The following BAZ2B variants were observed in gnomAD, a reference collection of about 807,000 sequenced individuals.
The protein encoded by BAZ2B is bromodomain adjacent to zinc finger domain protein 2B.
In BAZ2B, 91 loss-of-function variants were observed where a neutral mutation model predicts 246.0. The observed-to-expected ratio is 0.37, with a 90% CI of 0.31 to 0.44. The LOEUF (loss-of-function observed/expected upper bound fraction) is 0.44. Ranked by LOEUF, BAZ2B falls within the 20% of genes least tolerant of loss-of-function variation. The probability of loss-of-function intolerance (pLI) is 1.00; values close to 1 mark genes in which losing one functional copy is unlikely to be tolerated. For missense variants in BAZ2B, 2,332 were observed against 2,533.7 expected (o/e 0.92, Z 1.71); for synonymous variants, 855 against 860.0 (o/e 0.99, Z 0.10).
At chr2:159,568,082 T>C (rs942765043) in intron 1 of BAZ2B, among the ~76,000 whole-genome samples, 3 of 152,216 alleles carry the variant, frequency 2.0e-5, no homozygotes, top group African/African-American at 7.2e-5. Context: ...ACATTCACAA[T>C]GTTGTGGAAC....
chr2:159,569,895 AT>A (rs1309008981), intron 1 of BAZ2B, among the ~76,000 whole-genome samples: 7 of 152,150 alleles, frequency 4.6e-5, no homozygotes, highest in African/African-American at 1.4e-4. Flanking sequence ...GATCATTTTT[AT>A]TGTTGTCTAC....
intron 22 of BAZ2B, among the ~76,000 whole-genome samples, chr2:159,385,766 T>C (rs974144179): frequency 1.3e-5 from 2 of 152,092 alleles, no homozygotes; most frequent in Non-Finnish European, 2.9e-5. Flanking sequence ...CTTAAAGTGT[T>C]ATAGGTTTTA....
At chr2:159,362,300 T>G (rs2059798675) in intron 27 of BAZ2B, among the ~76,000 whole-genome samples, 1 of 152,194 alleles carries the variant, frequency 6.6e-6, no homozygotes, top group Non-Finnish European at 1.5e-5. Flanking sequence ...TATGTAGACT[T>G]TGACCCTTGA....
chr2:159,388,788 A>G (rs1466964398), intron 21 of BAZ2B, among the ~76,000 whole-genome samples: 1 of 151,928 alleles, frequency 6.6e-6, no homozygotes, highest in Non-Finnish European at 1.5e-5. Flanking sequence ...TGTGGGGAGG[A>G]GTTGAGATTT....
chr2:159,638,087 A>C, the BAZ2B span, among the ~76,000 whole-genome samples: 1 of 152,246 alleles, frequency 6.6e-6, no homozygotes, highest in Non-Finnish European at 1.5e-5. Flanking sequence ...AGAGAGAGAG[A>C]GACTCCGTTT....
chr2:159,359,988 C>T (rs1046485997), intron 27 of BAZ2B, among the ~76,000 whole-genome samples: 8 of 152,252 alleles, frequency 5.3e-5, no homozygotes, highest in African/African-American at 9.6e-5. Flanking sequence ...GACAAACCCA[C>T]GGCCAATATC....
chr2:159,331,205 G>C (rs1020331211), intron 34 of BAZ2B, among the ~76,000 whole-genome samples: 2 of 152,158 alleles, frequency 1.3e-5, no homozygotes, highest in Non-Finnish European at 2.9e-5. Flanking sequence ...TAAGGTATGT[G>C]AGCCCGGATG....
the BAZ2B span, among the ~76,000 whole-genome samples, chr2:159,662,370 G>C: frequency 1.3e-5 from 2 of 152,118 alleles, no homozygotes; most frequent in African/African-American, 2.4e-5. Flanking sequence ...AGAATTGTTT[G>C]GTTATATGGT....
chr2:159,527,762 T>C (rs919631041), intron 2 of BAZ2B, among the ~76,000 whole-genome samples: 1 of 152,194 alleles, frequency 6.6e-6, no homozygotes, highest in African/African-American at 2.4e-5. Context: ...CAGTATCAGA[T>C]ACACACAGGA....
At chr2:159,651,436 T>C in the BAZ2B span, among the ~76,000 whole-genome samples, 1 of 152,202 alleles carries the variant, frequency 6.6e-6, no homozygotes, top group African/African-American at 2.4e-5. Context: ...CCTTGTATAT[T>C]CTCATAATCA....
the BAZ2B span, among the ~76,000 whole-genome samples, chr2:159,703,066 C>CAAAACA: frequency 7.4e-6 from 1 of 134,792 alleles, no homozygotes; most frequent in Non-Finnish European, 1.6e-5. Context: ...CAAAAACAAA[C>CAAAACA]AAAACAAAAA....
the BAZ2B span, among the ~76,000 whole-genome samples, chr2:159,683,162 AT>A: frequency 3.3e-5 from 5 of 151,972 alleles, no homozygotes; most frequent in Admixed American, 6.6e-5. Flanking sequence ...CTAATGTCTA[AT>A]TTTTTTTCTT....
chr2:159,668,920 G>A, the BAZ2B span, among the ~76,000 whole-genome samples: 4 of 152,222 alleles, frequency 2.6e-5, no homozygotes, highest in South Asian at 8.3e-4. Context: ...GCCGGGCATG[G>A]TGGTGCATGC....
intron 7 of BAZ2B, 129 bp downstream of exon 7, chr2:159,438,880 T>C (rs1355793630): frequency 7.9e-7 from 1 of 1,259,656 alleles, no homozygotes; most frequent in Non-Finnish European, 1.1e-6. Context: ...CTTCATCTTC[T>C]TTCTTGGGCA....
At chr2:159,463,274 A>G (rs2076631693) in intron 3 of BAZ2B, 3 of 375,978 alleles carry the variant, frequency 8.0e-6, no homozygotes, top group Non-Finnish European at 1.0e-5. Context: ...TGTTCTCAAC[A>G]TTTATATTTT....
rs138203541 is a variant in BAZ2B, at chr2:159,475,863, C to A, written c.145+2712G>T. ...AAGACCCTGTTTTCCTAGGTATCAC[C>A]AGTGGAGGGTGCAGAACAGCAAAGA... On this transcript the variant is annotated intron_variant, in intron 3 of 36. Coordinates refer to ENST00000392783, the MANE Select transcript of BAZ2B (RefSeq NM_013450.4). 3.3e-3 allele frequency among the ~76,000 whole-genome samples: 497 copies of A among 152,238 alleles called. 4 individuals are homozygous for A. Among genetic ancestry groups the A allele is most frequent in the African/African-American group, 0.011 (461 of 41,548 alleles).
chr2:159,431,109 C>T lies in BAZ2B; in HGVS notation c.1948G>A (p.Asp650Asn), dbSNP rs893476408. Reference sequence around the variant, plus strand: ...TCATCTTGGTCTTTATCATCATCATCTTCTTCTTCTGATCCTTCTGTATCT... The same window carrying T: ...TCATCTTGGTCTTTATCATCATCATTTTCTTCTTCTGATCCTTCTGTATCT... Reference protein sequence around the residue: ...ESDTEGSEEEDDDDKDQDESD... With the variant: ...ESDTEGSEEENDDDKDQDESD... Residue 650 changes from aspartate (D) to asparagine (N), a missense_variant, in exon 10 of 37, where the codon GAT (aspartate) becomes AAT (asparagine). Coordinates refer to ENST00000392783, the MANE Select transcript of BAZ2B (RefSeq NM_013450.4). 1.9e-6 allele frequency: 3 copies of T among 1,612,310 alleles called. No homozygotes were observed. Among genetic ancestry groups the T allele is most frequent in the Non-Finnish European group, 2.5e-6 (3 of 1,178,618 alleles).
chr2:159,419,087 T>C (rs939326561), intron 13 of BAZ2B, among the ~76,000 whole-genome samples: 6 of 152,216 alleles, frequency 3.9e-5, no homozygotes, highest in Admixed American at 3.9e-4. Flanking sequence ...GTTAATTTTT[T>C]CCTACCTTTC....
the BAZ2B span, among the ~76,000 whole-genome samples, chr2:159,633,563 A>T: frequency 6.6e-6 from 1 of 152,086 alleles, no homozygotes. Flanking sequence ...ACCACATGCC[A>T]TTTGGGAAAG....
Sources: allele counts gnomAD v4.1 joint callset (sites outside exome capture counted in the v4.1 genomes callset), GRCh38; gene constraint gnomAD v4.1.1; transcripts MANE v1.5; gene names NCBI Gene and HGNC (gene_info 2026-07-23, HGNC 2026-07-21).